ZNF169: variants seen among roughly 807,000 people sequenced by gnomAD.
ZNF169 encodes zinc finger protein 169.
A neutral mutation model predicts 12.0 loss-of-function variants in ZNF169; 11 were observed. The ratio of observed to expected loss-of-function variants is 0.92; its 90% CI spans 0.58 to 1.52. The LOEUF is 1.52. Among genes scored for constraint, ZNF169 ranks in the 40% most tolerant of loss-of-function variants. The pLI, the probability that ZNF169 is intolerant of heterozygous loss-of-function variation, is 0.00. For synonymous variants in ZNF169, 302 were observed against 286.5 expected (o/e 1.05, Z -0.55); for missense variants, 722 against 744.0 (o/e 0.97, Z 0.34).
chr9:94,285,693 A>G (rs191827125), intron 2 of ZNF169, among the ~76,000 whole-genome samples: 30 of 152,258 alleles, frequency 2.0e-4, no homozygotes, highest in African/African-American at 7.0e-4. Flanking sequence ...AACAATTAGA[A>G]TGCCAATGGA....
At chr9:94,292,218 A>G in intron 2 of ZNF169, 123 bp from the exon 3 acceptor site, 1 of 1,526,864 alleles carries the variant, frequency 6.5e-7, no homozygotes, top group African/African-American at 1.4e-5. Flanking sequence ...TAAAAGCAGG[A>G]TCTGTAAATC....
intron 3 of ZNF169, chr9:94,292,737 C>T: frequency 1.6e-6 from 1 of 615,582 alleles, no homozygotes; most frequent in Non-Finnish European, 2.8e-6. Flanking sequence ...TATCCTCCTT[C>T]AAAAGGAGGA....
intron 2 of ZNF169, among the ~76,000 whole-genome samples, chr9:94,282,396 A>T (rs1587679829): frequency 6.6e-6 from 1 of 152,244 alleles, no homozygotes; most frequent in South Asian, 2.1e-4. Context: ...CAATCAATGT[A>T]TGTAAGCAGT....
rs1830648585 is a variant in ZNF169 at position 94,282,033 on chromosome 9, G to A, written c.33+3188G>A. 2.6e-5 allele frequency among the ~76,000 whole-genome samples: 4 copies of A among 152,224 alleles called. No individual in the cohort carries two copies. The South Asian group carries it at 8.3e-4, about 31-fold the overall frequency. The stretch of plus-strand genomic sequence containing the variant: ...AGGGGAAGGGGATTCTCTATAGAAT[G>A]TGGATTTTTCCCACAAGAGACTTTG... On this transcript the variant is annotated intron_variant, in intron 2 of 4. Coordinates refer to ENST00000395395, the MANE Select transcript of ZNF169 (RefSeq NM_194320.4).
chr9:94,291,044 A>G (rs1446120411), intron 2 of ZNF169, among the ~76,000 whole-genome samples: 1 of 97,262 alleles, frequency 1.0e-5, no homozygotes, highest in Non-Finnish European at 2.1e-5. Flanking sequence ...ATGGAACAGT[A>G]TTCTTTTTTT....
chr9:94,275,809 A>G (rs1830507592), intron 1 of ZNF169, among the ~76,000 whole-genome samples: 1 of 145,638 alleles, frequency 6.9e-6, no homozygotes, highest in African/African-American at 2.5e-5. Context: ...TTTTTGAGAC[A>G]GTCTCACTGT....
intron 1 of ZNF169, among the ~76,000 whole-genome samples, chr9:94,273,578 TC>T (rs1269422518): frequency 3.8e-5 from 4 of 105,890 alleles, no homozygotes; most frequent in South Asian, 3.9e-4. Flanking sequence ...TTTCTTTCTT[TC>T]TTTTTTTTTT....
At chr9:94,270,136 C>T (rs946003677) in intron 1 of ZNF169, among the ~76,000 whole-genome samples, 1 of 152,158 alleles carries the variant, frequency 6.6e-6, no homozygotes, top group African/African-American at 2.4e-5. Context: ...ACATCCCAGC[C>T]TTGTATAAGG....
intron 2 of ZNF169, among the ~76,000 whole-genome samples, chr9:94,286,011 CA>C (rs1412138883): frequency 2.0e-5 from 3 of 146,768 alleles, no homozygotes; most frequent in Admixed American, 6.8e-5. Flanking sequence ...AACTCCATCT[CA>C]AAAAAAAAAG....
chr9:94,273,580 T>A (rs1337180788), intron 1 of ZNF169, among the ~76,000 whole-genome samples: 1 of 43,406 alleles, frequency 2.3e-5, no homozygotes, highest in African/African-American at 4.4e-5. Flanking sequence ...TCTTTCTTTC[T>A]TTTTTTTTTT....
rs958432994 is a variant in ZNF169 at position 94,301,793 on chromosome 9, G to A, written c.*423G>A. 3.3e-5 allele frequency among the ~76,000 whole-genome samples: 5 copies of A among 152,094 alleles called. No individual in the cohort carries two copies. Among genetic ancestry groups the A allele is most frequent in the African/African-American group, 7.2e-5 (3 of 41,416 alleles). ...GATAGAGCCACAGCCACATGGCCTC[G>A]TTTAACCTTAATAACCTTCCTAAAG... is the stretch of plus-strand genomic sequence containing the variant. On this transcript the variant is annotated 3_prime_UTR_variant, in exon 5 of 5. Coordinates refer to ENST00000395395, the MANE Select transcript of ZNF169 (RefSeq NM_194320.4).
chr9:94,286,713 G>T (rs1228021932), intron 2 of ZNF169, among the ~76,000 whole-genome samples: 1 of 152,196 alleles, frequency 6.6e-6, no homozygotes, highest in Non-Finnish European at 1.5e-5. Flanking sequence ...TTGTCATCAT[G>T]TGATTACAAT....
chr9:94,262,983 A>G (rs1830230845), intron 1 of ZNF169, among the ~76,000 whole-genome samples: 1 of 152,176 alleles, frequency 6.6e-6, no homozygotes, highest in Non-Finnish European at 1.5e-5. Context: ...AGTCTTTGCA[A>G]ATTTATTGGG....
intron 1 of ZNF169, among the ~76,000 whole-genome samples, chr9:94,263,581 G>T (rs899512008): frequency 6.7e-6 from 1 of 149,358 alleles, no homozygotes; most frequent in South Asian, 2.1e-4. Flanking sequence ...TAGAGACGAT[G>T]TTTTGCTGTG....
At chr9:94,274,502 G>A (rs1256888290) in intron 1 of ZNF169, among the ~76,000 whole-genome samples, 1 of 151,882 alleles carries the variant, frequency 6.6e-6, no homozygotes, top group African/African-American at 2.4e-5. Flanking sequence ...TTCTGCTTTG[G>A]TTCCATCTTG....
At chr9:94,287,573 C>T (rs1830740871) in intron 2 of ZNF169, 4 of 449,682 alleles carry the variant, frequency 8.9e-6, no homozygotes, top group Non-Finnish European at 1.2e-5. Flanking sequence ...ATTGTGTTAG[C>T]CAGGATGGTC....
intron 1 of ZNF169, among the ~76,000 whole-genome samples, chr9:94,269,685 A>G (rs111635913): frequency 0.025 from 3,876 of 152,258 alleles, 184 homozygotes; most frequent in African/African-American, 0.086. Context: ...TATTTCTGTA[A>G]CCGGTTACAG....
intron 1 of ZNF169, among the ~76,000 whole-genome samples, chr9:94,276,516 C>T (rs1730537963): frequency 1.3e-5 from 2 of 152,112 alleles, no homozygotes; most frequent in African/African-American, 2.4e-5. Context: ...ACCTCGGCCT[C>T]CCAAAGTGCT....
chr9:94,295,028 AT>A (rs1248793274), intron 4 of ZNF169: 1 of 152,174 alleles, frequency 6.6e-6, no homozygotes, highest in African/African-American at 2.4e-5. Context: ...TTTTAAAAGC[AT>A]TTCGTTATAT....
Sources: allele counts gnomAD v4.1 joint callset (sites outside exome capture counted in the v4.1 genomes callset), GRCh38; gene constraint gnomAD v4.1.1; transcripts MANE v1.5; gene names NCBI Gene and HGNC (gene_info 2026-07-23, HGNC 2026-07-21).